PDE10A: variants seen among roughly 807,000 people sequenced by gnomAD.
PDE10A encodes the protein cAMP and cAMP-inhibited cGMP 3',5'-cyclic phosphodiesterase 10A.
In PDE10A, 39 loss-of-function variants were observed where a neutral mutation model predicts 97.7. That is an observed-to-expected ratio of 0.40 (90% CI 0.31 to 0.52). The LOEUF (loss-of-function observed/expected upper bound fraction) is 0.52. Ranked by LOEUF, PDE10A falls within the 20% of genes least tolerant of loss-of-function variation. PDE10A has a pLI of 0.56. For missense variants in PDE10A, 731 were observed against 1,047.8 expected, an observed-to-expected ratio of 0.70 and a Z score of 4.17; for synonymous variants, 371 against 376.8, an observed-to-expected ratio of 0.98 and a Z score of 0.18.
chr6:165,857,566 G>A (rs553777722), intron 1 of PDE10A, among the ~76,000 whole-genome samples: 1 of 151,662 alleles, frequency 6.6e-6, no homozygotes, highest in Non-Finnish European at 1.5e-5. Context: ...ATCCTTTGAG[G>A]TTGCATAAGC....
intron 1 of PDE10A, among the ~76,000 whole-genome samples, chr6:165,669,566 G>A (rs1790590171): frequency 6.6e-6 from 1 of 152,150 alleles, no homozygotes; most frequent in East Asian, 1.9e-4. Flanking sequence ...TACAGCCTGG[G>A]AGCTAACCCT....
At position 165,330,884 on chromosome 6, in the gene PDE10A, G is replaced by T. The variant is rs2128171257; in HGVS notation, c.*2141C>A. 1 of 152,184 alleles carries T rather than the reference G, an allele frequency of 6.6e-6. No individual in the cohort carries two copies. Among genetic ancestry groups the T allele is most frequent in the East Asian group, 1.9e-4 (1 of 5,190 alleles). The allele number at this position is 152,184 out of a possible 1,614,324, so 9.4% of individuals were successfully genotyped here. ...AACTTTTGTGACTAAAGCTGTGTTT[G>T]GTAGACTCCAGCTTCATAAATTTGT... On this transcript the variant is annotated 3_prime_UTR_variant, in exon 22 of 22. Transcript: ENST00000539869.
chr6:165,917,563 C>T (rs1782641186), intron 1 of PDE10A, among the ~76,000 whole-genome samples: 1 of 152,200 alleles, frequency 6.6e-6, no homozygotes, highest in African/African-American at 2.4e-5. Flanking sequence ...AGGGAAAAGA[C>T]GTTGGCCTCT....
At chr6:165,960,942 A>G (rs761502937) in intron 1 of PDE10A, among the ~76,000 whole-genome samples, 3 of 152,112 alleles carry the variant, frequency 2.0e-5, no homozygotes, top group Admixed American at 6.5e-5. Context: ...ATTGCTTGCA[A>G]TGTGTCTTTG....
intron 14 of PDE10A, 122 bp downstream of exon 14, chr6:165,396,195 C>T: frequency 3.5e-6 from 3 of 849,228 alleles, no homozygotes; most frequent in South Asian, 2.3e-5. Flanking sequence ...AATGGCAACA[C>T]ATGAAACTCC....
intron 1 of PDE10A, among the ~76,000 whole-genome samples, chr6:165,849,651 C>T (rs921507729): frequency 3.9e-5 from 6 of 152,306 alleles, no homozygotes; most frequent in Non-Finnish European, 7.4e-5. Context: ...CACACCATCT[C>T]GGTGCCAGAG....
chr6:165,711,259 T>C lies in PDE10A; in HGVS notation c.-614-167691A>G, dbSNP rs1337725915. On this transcript the variant is annotated intron_variant, in intron 1 of 19. Coordinates refer to the PDE10A transcript ENST00000366882. This position sits in a 1 kb window ranked among gnomAD's most constrained non-coding sequence, Gnocchi z 4.5. ...AAAACCTCATCTTGGATGGGTAATT[T>C]ACAGAGGTAAGTGCCTGGGGCTCCC... 6.6e-6 allele frequency among the ~76,000 whole-genome samples: 1 copy of C among 152,206 alleles called. No homozygotes were observed. The highest frequency in any genetic ancestry group is 2.4e-5 in the African/African-American group (1 of 41,462).
intron 1 of PDE10A, among the ~76,000 whole-genome samples, chr6:165,796,061 C>T (rs141351958): frequency 5.3e-4 from 80 of 150,186 alleles, no homozygotes; most frequent in African/African-American, 2.0e-3. Context: ...AGCTGGAATG[C>T]ATTTGCACGT....
At chr6:165,382,068 C>G (rs1030456414) in intron 17 of PDE10A, among the ~76,000 whole-genome samples, 4 of 152,216 alleles carry the variant, frequency 2.6e-5, no homozygotes, top group Middle Eastern at 3.4e-3. Flanking sequence ...TTTACACCCA[C>G]GAATGTTTCT....
chr6:165,974,978 C>A (rs1784806002), intron 1 of PDE10A, among the ~76,000 whole-genome samples: 3 of 152,176 alleles, frequency 2.0e-5, no homozygotes, highest in Admixed American at 2.0e-4. Context: ...ACAAGGTATT[C>A]TTTCCTGGCT....
intron 18 of PDE10A, among the ~76,000 whole-genome samples, chr6:165,349,840 C>A (rs987409954): frequency 6.6e-6 from 1 of 152,300 alleles, no homozygotes; most frequent in Middle Eastern, 3.4e-3. Flanking sequence ...GTGCAAGCCC[C>A]AAGCCTTGGT....
intron 2 of PDE10A, among the ~76,000 whole-genome samples, chr6:165,522,161 A>G (rs960639767): frequency 6.6e-5 from 10 of 152,198 alleles, no homozygotes; most frequent in Non-Finnish European, 1.2e-4. Flanking sequence ...CAAAAAGCCT[A>G]CCAACCACAG....
exon 1 of PDE10A, chr6:165,987,601 G>C (rs1221361721): frequency 2.4e-6 from 1 of 418,146 alleles, no homozygotes; most frequent in Admixed American, 3.0e-5. Context: ...AAGAGACAGT[G>C]AGAGAAAGAA....
chr6:165,562,163 G>T (rs565541565), intron 1 of PDE10A, among the ~76,000 whole-genome samples: 20 of 152,112 alleles, frequency 1.3e-4, no homozygotes, highest in African/African-American at 4.8e-4. Context: ...TAGTTTACTA[G>T]ATATACTATA....
At chr6:165,826,201 C>T (rs1779738879) in intron 1 of PDE10A, among the ~76,000 whole-genome samples, 2 of 152,218 alleles carry the variant, frequency 1.3e-5, no homozygotes, top group Admixed American at 6.5e-5. Context: ...CAATAAATCA[C>T]ATCCCTGTAG....
chr6:165,383,514 C>T lies in PDE10A; in HGVS notation c.2611-4148G>A, dbSNP rs3799155. On this transcript the variant is annotated intron_variant, in intron 17 of 21. Coordinates refer to ENST00000539869, the MANE Select transcript of PDE10A (RefSeq NM_001385079.1). ...TCAGTGTCTCAGTTCTCTGCCCCACCGGACACAGCTACTCACTTTCCTCAC... is the reference window on the plus strand; with the variant it reads ...TCAGTGTCTCAGTTCTCTGCCCCACTGGACACAGCTACTCACTTTCCTCAC... Among the ~76,000 whole-genome samples, 192 of 152,218 alleles carry T rather than the reference C, an allele frequency of 1.3e-3. 3 individuals are homozygous for T. In the East Asian group the frequency reaches 0.029, roughly 23 times the overall value.
At position 165,749,410 on chromosome 6, in the gene PDE10A, T is replaced by C. The variant is rs1583033672; in HGVS notation, c.-614-205842A>G. On this transcript the variant is annotated intron_variant, in intron 1 of 19. Coordinates refer to the PDE10A transcript ENST00000366882. ...ATCATCACCATTACCATCAACACCA[T>C]CACCATCATCACCATCACCACCATC... Among the ~76,000 whole-genome samples, 5 of 13,220 alleles carry C rather than the reference T, an allele frequency of 3.8e-4. No individual in the cohort carries two copies. In the East Asian group the frequency reaches 0.013, roughly 33 times the overall value. 8.7% of individuals were successfully genotyped at this position (13,220 alleles called of 152,430 possible). A position where few individuals can be genotyped will look rare whatever the true frequency, so the allele number is the denominator to read the frequency against.
upstream of PDE10A, among the ~76,000 whole-genome samples, chr6:165,666,675 C>G (rs1790505926): frequency 1.3e-5 from 2 of 151,408 alleles, no homozygotes; most frequent in Admixed American, 1.3e-4. Context: ...TCCCTCACTA[C>G]AAGTCTTTAG....
chr6:165,894,774 T>A (rs2128483012), intron 1 of PDE10A: 1 of 277,736 alleles, frequency 3.6e-6, no homozygotes, highest in South Asian at 3.9e-5. Context: ...TGTGATAATA[T>A]TATTTATAGT....
Sources: gnomAD v4.1 joint callset for allele counts (sites outside exome capture counted in the v4.1 genomes callset) on GRCh38, gnomAD v4.1.1 for gene constraint, Gnocchi (gnomAD v3.1) non-coding constraint, MANE v1.5 for transcripts, NCBI Gene and HGNC (gene_info 2026-07-23, HGNC 2026-07-21) for gene names.